RFX3: variants seen among roughly 807,000 people sequenced by gnomAD.
RFX3 encodes transcription factor RFX3.
A neutral mutation model predicts 98.6 loss-of-function variants in RFX3; 14 were observed. The ratio of observed to expected loss-of-function variants is 0.14; its 90% CI spans 0.09 to 0.22. RFX3 has a LOEUF of 0.22. RFX3 is among the 10% of genes least tolerant of loss of function. The pLI, the probability that RFX3 is intolerant of heterozygous loss-of-function variation, is 1.00. For synonymous variants in RFX3, 383 were observed against 328.4 expected (o/e 1.17, Z -1.80); for missense variants, 639 against 926.9 (o/e 0.69, Z 4.03).
intron 13 of RFX3, among the ~76,000 whole-genome samples, chr9:3,258,001 A>G (rs1035943120): frequency 2.0e-5 from 3 of 152,270 alleles, no homozygotes; most frequent in African/African-American, 7.2e-5. Context: ...TTCCAGTGCT[A>G]TGTTGTATTT....
intron 14 of RFX3, among the ~76,000 whole-genome samples, chr9:3,252,907 G>A (rs556381289): frequency 7.0e-4 from 106 of 152,282 alleles, no homozygotes; most frequent in Non-Finnish European, 1.2e-3. Context: ...CAGTTGAATT[G>A]TATCATTAAC....
intron 1 of RFX3, among the ~76,000 whole-genome samples, chr9:3,507,733 T>C (rs893963463): frequency 1.3e-5 from 2 of 152,018 alleles, no homozygotes; most frequent in South Asian, 2.1e-4. Flanking sequence ...AGATTAATTA[T>C]AATTCCTAAT....
intron 2 of RFX3, among the ~76,000 whole-genome samples, chr9:3,379,387 G>C (rs1347546403): frequency 6.6e-6 from 1 of 152,090 alleles, no homozygotes; most frequent in Non-Finnish European, 1.5e-5. Flanking sequence ...AACAATGACA[G>C]TGTGGGACCA....
intron 2 of RFX3, among the ~76,000 whole-genome samples, chr9:3,377,696 T>C (rs558222892): frequency 6.6e-6 from 1 of 152,176 alleles, no homozygotes; most frequent in Non-Finnish European, 1.5e-5. Flanking sequence ...AGTATTTTCC[T>C]AGAATTTGGA....
Position 3,510,499 on chromosome 9 carries a change from C to T in RFX3, c.-9+15248G>A, listed in dbSNP as rs117611136. Among the ~76,000 whole-genome samples the T allele has an allele frequency of 3.9e-3, 586 of 152,090 alleles. 3 individuals are homozygous for T. Among genetic ancestry groups the T allele is most frequent in the Non-Finnish European group, 6.5e-3 (439 of 67,934 alleles). ...CTGATTTTTAAATTATATCCTATAA[C>T]GCAAATGTAGTACTGGTCAAATTTA... On this transcript the variant is annotated intron_variant, in intron 1 of 16. Coordinates refer to ENST00000617270, the MANE Select transcript of RFX3 (RefSeq NM_001282116.2).
intron 1 of RFX3, among the ~76,000 whole-genome samples, chr9:3,464,275 TAC>T (rs1234190333): frequency 6.6e-6 from 1 of 152,226 alleles, no homozygotes; most frequent in Non-Finnish European, 1.5e-5. Flanking sequence ...AATCGCTTTG[TAC>T]ACATTTATCC....
intron 15 of RFX3, among the ~76,000 whole-genome samples, chr9:3,236,020 A>G (rs1213597412): frequency 6.6e-6 from 1 of 151,650 alleles, no homozygotes; most frequent in African/African-American, 2.4e-5. Context: ...TTTTTTTTCT[A>G]GTATTGGAGG....
intron 4 of RFX3, among the ~76,000 whole-genome samples, chr9:3,313,681 A>G (rs1830229791): frequency 6.6e-6 from 1 of 152,212 alleles, no homozygotes; most frequent in South Asian, 2.1e-4. Flanking sequence ...TCCTTAAATG[A>G]CCTGATGGAG....
intron 13 of RFX3, among the ~76,000 whole-genome samples, chr9:3,261,014 A>G (rs1235746134): frequency 2.6e-5 from 4 of 151,644 alleles, no homozygotes; most frequent in African/African-American, 9.7e-5. Context: ...CCCAAATGTT[A>G]CTTTTTGGTA....
chr9:3,475,636 A>G (rs1456823581), intron 1 of RFX3, among the ~76,000 whole-genome samples: 2 of 152,228 alleles, frequency 1.3e-5, no homozygotes, highest in Non-Finnish European at 2.9e-5. Flanking sequence ...TCTGCATATC[A>G]GAGACTTTTA....
chr9:3,369,982 C>T (rs1400927463), intron 2 of RFX3, among the ~76,000 whole-genome samples: 1 of 148,792 alleles, frequency 6.7e-6, no homozygotes, highest in Non-Finnish European at 1.5e-5. Flanking sequence ...GCGCCCGCCA[C>T]TACGCCCGGC....
chr9:3,241,536 CAAG>C (rs1043515242), intron 15 of RFX3, among the ~76,000 whole-genome samples: 4 of 151,996 alleles, frequency 2.6e-5, no homozygotes, highest in Non-Finnish European at 5.9e-5. Context: ...TTCTCAAATC[CAAG>C]AAGAGAAATG....
chr9:3,514,828 C>T (rs1283657183), intron 1 of RFX3, among the ~76,000 whole-genome samples: 3 of 152,152 alleles, frequency 2.0e-5, no homozygotes, highest in African/African-American at 7.2e-5. Flanking sequence ...GTGTTATGTA[C>T]TGATTTTTCA....
chr9:3,512,808 CCATT>C (rs1301981721), intron 1 of RFX3, among the ~76,000 whole-genome samples: 12 of 152,102 alleles, frequency 7.9e-5, no homozygotes, highest in African/African-American at 2.9e-4. Flanking sequence ...AATTATTTCA[CCATT>C]CATAATGTAA....
chr9:3,516,852 A>G (rs1818228584), intron 1 of RFX3, among the ~76,000 whole-genome samples: 2 of 152,170 alleles, frequency 1.3e-5, no homozygotes, highest in African/African-American at 4.8e-5. Flanking sequence ...CTTGTCTGGC[A>G]CACACACATA....
At chr9:3,293,665 G>A (rs1163281582) in intron 5 of RFX3, among the ~76,000 whole-genome samples, 1 of 152,102 alleles carries the variant, frequency 6.6e-6, no homozygotes, top group Non-Finnish European at 1.5e-5. Flanking sequence ...TATGTCTTTA[G>A]TGTTGGCTTA....
chr9:3,227,508 A>G (rs1817918845), intron 16 of RFX3, among the ~76,000 whole-genome samples: 1 of 152,192 alleles, frequency 6.6e-6, no homozygotes, highest in South Asian at 2.1e-4. Flanking sequence ...TTTGGTGCAT[A>G]AAAACTAAAA....
intron 2 of RFX3, among the ~76,000 whole-genome samples, chr9:3,378,197 T>C (rs779640769): frequency 1.3e-5 from 2 of 152,176 alleles, no homozygotes; most frequent in East Asian, 3.9e-4. Flanking sequence ...CTTATTTAGG[T>C]AATATCTTCA....
intron 1 of RFX3, among the ~76,000 whole-genome samples, chr9:3,467,721 T>C (rs532194619): frequency 6.6e-6 from 1 of 152,212 alleles, no homozygotes; most frequent in South Asian, 2.1e-4. Context: ...TAAAAGCATA[T>C]GCAACCTGGA....
Sources: allele counts gnomAD v4.1 joint callset (sites outside exome capture counted in the v4.1 genomes callset), GRCh38; gene constraint gnomAD v4.1.1; transcripts MANE v1.5; gene names NCBI Gene and HGNC (gene_info 2026-07-23, HGNC 2026-07-21).